The following RYR3 variants were observed in gnomAD, a reference collection of about 807,000 sequenced individuals.
RYR3 encodes brain ryanodine receptor-calcium release channel.
RYR3 carries 207 observed loss-of-function variants against 584.3 expected under a neutral mutation model. That is an observed-to-expected ratio of 0.35 (90% confidence interval 0.32 to 0.40). RYR3 has a LOEUF of 0.40. Ranked by LOEUF, RYR3 falls within the 10% of genes least tolerant of loss-of-function variation. The pLI is 1.00. For synonymous variants in RYR3, 2,416 were observed against 2,248.5 expected, an observed-to-expected ratio of 1.07 and a Z score of -2.11; for missense variants, 5,616 against 6,089.2, an observed-to-expected ratio of 0.92 and a Z score of 2.59.
intron 1 of RYR3, among the ~76,000 whole-genome samples, chr15:33,328,249 A>G (rs778345326): frequency 1.6e-4 from 25 of 152,156 alleles, no homozygotes; most frequent in Non-Finnish European, 3.1e-4. Context: ...ATTTCCACCT[A>G]TGTAGTATCA....
intron 1 of RYR3, among the ~76,000 whole-genome samples, chr15:33,314,938 A>C (rs1158071733): frequency 6.8e-6 from 1 of 146,068 alleles, no homozygotes; most frequent in African/African-American, 2.8e-5. Flanking sequence ...ACAAAAAAAA[A>C]AACCAAAAAA....
chr15:33,561,132 T>C (rs1030770), intron 10 of RYR3, among the ~76,000 whole-genome samples: 132,442 of 152,332 alleles, frequency 0.87, 58,333 homozygotes, highest in Middle Eastern at 0.98. Context: ...AATATATGTC[T>C]ATTAAGTAAT....
At chr15:33,739,712 T>G in intron 50 of RYR3, 120 bp from the exon 51 acceptor site, 2 of 749,662 alleles carry the variant, frequency 2.7e-6, no homozygotes, top group Non-Finnish European at 4.2e-6. Context: ...CATTTCCCGT[T>G]TTGGTTAACC....
intron 52 of RYR3, among the ~76,000 whole-genome samples, chr15:33,743,824 G>A (rs1472006834): frequency 6.6e-6 from 1 of 152,216 alleles, no homozygotes; most frequent in African/African-American, 2.4e-5. Flanking sequence ...CATACTGCAA[G>A]CAAGTCAGAA....
intron 64 of RYR3, 64 bp downstream of exon 64, chr15:33,773,679 C>T (rs770701287): frequency 9.6e-7 from 1 of 1,041,108 alleles, no homozygotes; most frequent in Non-Finnish European, 1.5e-6. Flanking sequence ...CAGCCTTTTA[C>T]ACACTTAATG....
chr15:33,334,126 A>G (rs1970681707), intron 1 of RYR3, among the ~76,000 whole-genome samples: 1 of 152,232 alleles, frequency 6.6e-6, no homozygotes, highest in South Asian at 2.1e-4. Context: ...TTATAGATTA[A>G]ATGCTAGCCT....
chr15:33,859,242 C>G lies in RYR3; in HGVS notation c.14143-333C>G, dbSNP rs373560482. ...GCACAGCCTGAAGGCCAGGCTAACACTCTTAAAATTAAATGAGGAAAAATT... is the reference window on the plus strand; with the variant it reads ...GCACAGCCTGAAGGCCAGGCTAACAGTCTTAAAATTAAATGAGGAAAAATT... On this transcript the variant is annotated intron_variant, in intron 99 of 103. Transcript: ENST00000634891. 2.8e-4 allele frequency: 71 copies of G among 249,230 alleles called. No individual in the cohort carries two copies. In the East Asian group the frequency reaches 3.6e-3, roughly 13 times the overall value. The allele number at this position is 249,230 out of a possible 1,614,324, so 15.4% of individuals were successfully genotyped here.
At chr15:33,464,676 C>T (rs754146805) in intron 1 of RYR3, among the ~76,000 whole-genome samples, 27 of 151,400 alleles carry the variant, frequency 1.8e-4, no homozygotes, top group Non-Finnish European at 1.0e-4. Flanking sequence ...ATACGTTGTG[C>T]AGTGATCACC....
chr15:33,859,532 A>C, intron 99 of RYR3, 43 bp from the exon 100 acceptor site: 1 of 1,609,304 alleles, frequency 6.2e-7, no homozygotes, highest in South Asian at 1.1e-5. Context: ...CTAAAAACAG[A>C]ACTGTGACTT....
intron 3 of RYR3, among the ~76,000 whole-genome samples, chr15:33,520,774 A>G (rs2053921824): frequency 6.6e-6 from 1 of 152,208 alleles, no homozygotes; most frequent in Admixed American, 6.5e-5. Flanking sequence ...TCTGTGTTCA[A>G]AGAAAAGCAC....
At chr15:33,798,805 A>G (rs148866750) in intron 67 of RYR3, among the ~76,000 whole-genome samples, 1 of 152,306 alleles carries the variant, frequency 6.6e-6, no homozygotes, top group Non-Finnish European at 1.5e-5. Flanking sequence ...ATTAGATAAG[A>G]ATGTCCCTGA....
At chr15:33,770,724 G>A (rs550396637) in intron 62 of RYR3, among the ~76,000 whole-genome samples, 12 of 151,826 alleles carry the variant, frequency 7.9e-5, no homozygotes, top group Admixed American at 7.9e-4. Context: ...AACGGAGTGA[G>A]ACCCCATCTC....
At chr15:33,744,881 C>A (rs1381343510) in intron 52 of RYR3, among the ~76,000 whole-genome samples, 1 of 152,184 alleles carries the variant, frequency 6.6e-6, no homozygotes, top group Non-Finnish European at 1.5e-5. Flanking sequence ...AGGATGGCAG[C>A]TTGCTGTTGG....
chr15:33,687,966 G>A (rs549626876), intron 38 of RYR3, among the ~76,000 whole-genome samples: 1 of 152,276 alleles, frequency 6.6e-6, no homozygotes, highest in South Asian at 2.1e-4. Context: ...AACCGTAGAA[G>A]AAAACCTAGG....
At chr15:33,433,289 T>C (rs2045365105) in intron 1 of RYR3, among the ~76,000 whole-genome samples, 1 of 152,174 alleles carries the variant, frequency 6.6e-6, no homozygotes, top group African/African-American at 2.4e-5. Context: ...TTTGTTTGAT[T>C]TGGCTTTTTC....
chr15:33,755,848 C>T (rs2071767671), intron 58 of RYR3, among the ~76,000 whole-genome samples: 1 of 152,146 alleles, frequency 6.6e-6, no homozygotes, highest in Admixed American at 6.5e-5. Flanking sequence ...TGGCTCACAG[C>T]AGCCTCTGCC....
chr15:33,323,098 A>G (rs982568606), intron 1 of RYR3, among the ~76,000 whole-genome samples: 4 of 151,640 alleles, frequency 2.6e-5, no homozygotes, highest in Admixed American at 2.6e-4. Flanking sequence ...AATATATGAT[A>G]TGATATTTAA....
chr15:33,489,773 C>T (rs942844878), intron 2 of RYR3, among the ~76,000 whole-genome samples: 1 of 152,204 alleles, frequency 6.6e-6, no homozygotes, highest in Admixed American at 6.5e-5. Flanking sequence ...TGAGACATCA[C>T]CATGCTGCTT....
At chr15:33,755,250 G>A in intron 58 of RYR3, 70 bp downstream of exon 58, 2 of 956,586 alleles carry the variant, frequency 2.1e-6, no homozygotes, top group Non-Finnish European at 3.3e-6. Flanking sequence ...CTTTCAGACT[G>A]TAACTTTTTA....
Sources: allele counts gnomAD v4.1 joint callset (sites outside exome capture counted in the v4.1 genomes callset), GRCh38; gene constraint gnomAD v4.1.1; transcripts MANE v1.5; gene names NCBI Gene and HGNC (gene_info 2026-07-23, HGNC 2026-07-21).